Variants in ADGRL2 observed in about 807,000 individuals in gnomAD.
ADGRL2 encodes the protein calcium-independent alpha-latrotoxin receptor 2.
In ADGRL2, 44 loss-of-function variants were observed where a neutral mutation model predicts 157.4. The observed-to-expected ratio is 0.28, with a 90% CI of 0.22 to 0.36. The LOEUF is 0.36. ADGRL2 is among the 10% of genes least tolerant of loss of function. ADGRL2 has a pLI of 1.00. For synonymous variants in ADGRL2, 585 were observed against 624.7 expected (o/e 0.94, Z 0.95); for missense variants, 1,510 against 1,768.9 (o/e 0.85, Z 2.63).
chr1:81,526,400 A>C (rs1189500272), intron 2 of ADGRL2, among the ~76,000 whole-genome samples: 1 of 152,200 alleles, frequency 6.6e-6, no homozygotes, highest in Non-Finnish European at 1.5e-5. Context: ...TGAAATTCAT[A>C]TATCAAATTC....
intron 3 of ADGRL2, among the ~76,000 whole-genome samples, chr1:81,913,358 C>T (rs1440240043): frequency 6.6e-6 from 1 of 152,164 alleles, no homozygotes; most frequent in Admixed American, 6.5e-5. Context: ...CTTTACATTA[C>T]AGTGGATGCA....
In ADGRL2 at chr1:81,448,137, C is replaced by CTTT. The variant is rs1168945231; in HGVS notation, c.-248+3071_-248+3073dup. On this transcript the variant is annotated intron_variant, in intron 2 of 24. Coordinates refer to the ADGRL2 transcript ENST00000370721. ...CTTTTCTTTTTCTTTTTCTTTCTTT[C>CTTT]TTTTTTTTTTTTTTTTTTTTTTTTT... 8.1e-3 allele frequency among the ~76,000 whole-genome samples: 677 copies of CTTT among 83,464 alleles called. 2 individuals are homozygous for CTTT. Among genetic ancestry groups the CTTT allele is most frequent in the Middle Eastern group, 0.019 (2 of 104 alleles). The allele number at this position is 83,464 out of a possible 152,430, so 54.8% of individuals were successfully genotyped here.
intron 2 of ADGRL2, among the ~76,000 whole-genome samples, chr1:81,554,608 C>T (rs1212780893): frequency 6.6e-6 from 1 of 151,952 alleles, no homozygotes; most frequent in Non-Finnish European, 1.5e-5. Context: ...CACTAATAAC[C>T]GCTTTGCAAG....
intron 1 of ADGRL2, among the ~76,000 whole-genome samples, chr1:81,740,234 T>A (rs997914501): frequency 1.3e-5 from 2 of 152,208 alleles, no homozygotes; most frequent in East Asian, 1.9e-4. Flanking sequence ...TTATTCTGTT[T>A]TTATTCATTA....
rs114057570 is a variant in ADGRL2 at position 81,360,060 on chromosome 1, C to T, written c.-302+53551C>T. On this transcript the variant is annotated intron_variant, in intron 1 of 24. Coordinates refer to the ADGRL2 transcript ENST00000370721. The stretch of plus-strand genomic sequence containing the variant: ...TAACTTAAAATGCTCCAATTACTTC[C>T]CATTTGAATGGAGACTGGATATTCA... Among the ~76,000 whole-genome samples, 880 of 152,088 alleles carry T rather than the reference C, an allele frequency of 5.8e-3. 9 individuals carry two copies. Among genetic ancestry groups the T allele is most frequent in the African/African-American group, 0.021 (852 of 41,550 alleles).
intron 1 of ADGRL2, among the ~76,000 whole-genome samples, chr1:81,366,400 GA>G (rs1034759077): frequency 6.6e-6 from 1 of 152,096 alleles, no homozygotes; most frequent in African/African-American, 2.4e-5. Context: ...CAACATGCCA[GA>G]AACTCTACAA....
intron 1 of ADGRL2, among the ~76,000 whole-genome samples, chr1:81,813,667 A>G (rs2090100107): frequency 1.3e-5 from 2 of 151,774 alleles, no homozygotes; most frequent in South Asian, 4.1e-4. Context: ...TCTTTTCCAT[A>G]CAATTATTGG....
chr1:81,769,169 C>G (rs2086256077), intron 2 of ADGRL2, among the ~76,000 whole-genome samples: 3 of 152,012 alleles, frequency 2.0e-5, no homozygotes, highest in African/African-American at 7.2e-5. Context: ...TAACAAATGT[C>G]TCTTTCTAAT....
intron 1 of ADGRL2, among the ~76,000 whole-genome samples, chr1:81,828,620 T>C (rs2091695070): frequency 6.6e-6 from 1 of 152,170 alleles, no homozygotes; most frequent in Admixed American, 6.5e-5. Context: ...TTCTTTTTTA[T>C]TAAATGTCAC....
At chr1:81,439,974 C>T (rs2077477501) in intron 1 of ADGRL2, among the ~76,000 whole-genome samples, 1 of 152,222 alleles carries the variant, frequency 6.6e-6, no homozygotes, top group South Asian at 2.1e-4. Flanking sequence ...GTCAGGCTGT[C>T]TCCTCCTCTA....
At chr1:81,881,660 C>T (rs2093991884) in intron 2 of ADGRL2, among the ~76,000 whole-genome samples, 1 of 150,824 alleles carries the variant, frequency 6.6e-6, no homozygotes, top group Admixed American at 6.7e-5. Context: ...ATGTATTTTA[C>T]AGCTCCAGTT....
At chr1:81,722,520 T>C in intron 1 of ADGRL2, 2 of 1,556,584 alleles carry the variant, frequency 1.3e-6, no homozygotes, top group South Asian at 2.2e-5. Flanking sequence ...GACAGAGCCA[T>C]GAAATAAATC....
chr1:81,566,897 A>G (rs576321522), intron 2 of ADGRL2, among the ~76,000 whole-genome samples: 1 of 152,298 alleles, frequency 6.6e-6, no homozygotes, highest in South Asian at 2.1e-4. Flanking sequence ...TGTTAAGGCA[A>G]TAAAGACATT....
At chr1:81,466,938 T>G (rs1385377883) in intron 2 of ADGRL2, among the ~76,000 whole-genome samples, 1 of 152,118 alleles carries the variant, frequency 6.6e-6, no homozygotes, top group Non-Finnish European at 1.5e-5. Flanking sequence ...TCTGGAGATT[T>G]CTACAAGGTA....
chr1:81,692,836 A>C (rs1049100392), intron 3 of ADGRL2, among the ~76,000 whole-genome samples: 1 of 152,232 alleles, frequency 6.6e-6, no homozygotes, highest in African/African-American at 2.4e-5. Flanking sequence ...AAACTCAGAT[A>C]TCTGACTTAT....
At chr1:81,346,912 G>A (rs1458467883) in intron 1 of ADGRL2, among the ~76,000 whole-genome samples, 1 of 152,148 alleles carries the variant, frequency 6.6e-6, no homozygotes, top group Non-Finnish European at 1.5e-5. Flanking sequence ...ACTTGGTGTT[G>A]GGTAGAGGCT....
At chr1:81,898,969 C>G (rs752355841) in intron 2 of ADGRL2, among the ~76,000 whole-genome samples, 5 of 152,138 alleles carry the variant, frequency 3.3e-5, no homozygotes, top group Admixed American at 6.6e-5. Flanking sequence ...GGCGTAGAGT[C>G]ACAGCCTCAC....
intron 2 of ADGRL2, among the ~76,000 whole-genome samples, chr1:81,552,218 T>C (rs1195903984): frequency 6.6e-6 from 1 of 152,184 alleles, no homozygotes; most frequent in African/African-American, 2.4e-5. Flanking sequence ...TCTCAGCCTT[T>C]TTCTTCCTGC....
intron 3 of ADGRL2, among the ~76,000 whole-genome samples, chr1:81,627,588 C>T (rs2081935294): frequency 6.6e-6 from 1 of 152,110 alleles, no homozygotes; most frequent in African/African-American, 2.4e-5. Context: ...TCTATTTTCG[C>T]TATGAAGAAG....
Sources: gnomAD v4.1 joint callset for allele counts (sites outside exome capture counted in the v4.1 genomes callset) on GRCh38, gnomAD v4.1.1 for gene constraint, MANE v1.5 for transcripts, NCBI Gene and HGNC (gene_info 2026-07-23, HGNC 2026-07-21) for gene names.